The following LRMDA variants were observed in gnomAD, a reference collection of about 807,000 sequenced individuals.
The protein encoded by LRMDA is leucine rich melanocyte differentiation associated.
Under a neutral mutation model 29.8 loss-of-function variants are expected in LRMDA, and 18 were observed. The observed-to-expected ratio is 0.60, with a 90% CI of 0.42 to 0.90. The LOEUF (loss-of-function observed/expected upper bound fraction) is 0.90. Among genes scored for constraint, LRMDA ranks in the 40% least tolerant of loss-of-function variants. The pLI, the probability that LRMDA is intolerant of heterozygous loss-of-function variation, is 0.00. For synonymous variants in LRMDA, 125 were observed against 109.4 expected (o/e 1.14, Z -0.89); for missense variants, 273 against 273.9 (o/e 1.00, Z 0.02).
chr10:75,644,662 T>TTA (rs1319450890), intron 2 of LRMDA, among the ~76,000 whole-genome samples: 1 of 152,130 alleles, frequency 6.6e-6, no homozygotes, highest in Non-Finnish European at 1.5e-5. Flanking sequence ...CACTGGACCC[T>TTA]TAGGCTTTTG....
At chr10:76,358,783 G>A (rs77425414) in intron 6 of LRMDA, among the ~76,000 whole-genome samples, 7,198 of 152,306 alleles carry the variant, frequency 0.047, 264 homozygotes, top group African/African-American at 0.11. Context: ...AGCAGAGAGC[G>A]TGGAATGTTG....
At chr10:76,029,375 G>A (rs1848112945) in intron 2 of LRMDA, among the ~76,000 whole-genome samples, 1 of 152,128 alleles carries the variant, frequency 6.6e-6, no homozygotes, top group African/African-American at 2.4e-5. Flanking sequence ...TGACAATGAA[G>A]TTAGAAAGCA....
At chr10:76,216,672 T>G (rs12253595) in intron 5 of LRMDA, among the ~76,000 whole-genome samples, 2,955 of 152,328 alleles carry the variant, frequency 0.019, 88 homozygotes, top group African/African-American at 0.063. Context: ...AGAGTATGTA[T>G]ATCTACAGGA....
chr10:76,399,494 T>C (rs971239555), intron 6 of LRMDA, among the ~76,000 whole-genome samples: 1 of 152,244 alleles, frequency 6.6e-6, no homozygotes, highest in Non-Finnish European at 1.5e-5. Flanking sequence ...ATTTTCTTTA[T>C]CCAATCACAT....
At chr10:75,812,805 C>T (rs1242919621) in intron 2 of LRMDA, among the ~76,000 whole-genome samples, 2 of 152,166 alleles carry the variant, frequency 1.3e-5, no homozygotes, top group African/African-American at 4.8e-5. Context: ...GTTCTATATG[C>T]TTGGGGGCCA....
intron 4 of LRMDA, among the ~76,000 whole-genome samples, chr10:76,053,718 G>A (rs1177015291): frequency 1.3e-5 from 2 of 152,202 alleles, no homozygotes; most frequent in African/African-American, 4.8e-5. Flanking sequence ...CACTGGCTGG[G>A]TTCTGTGCAC....
chr10:75,769,712 T>G (rs774769869), intron 2 of LRMDA, among the ~76,000 whole-genome samples: 7 of 152,390 alleles, frequency 4.6e-5, no homozygotes, highest in Non-Finnish European at 8.8e-5. Context: ...AGCAACATTG[T>G]TATTTGTTTT....
intron 6 of LRMDA, among the ~76,000 whole-genome samples, chr10:76,395,450 G>A (rs1360350710): frequency 6.6e-6 from 1 of 152,128 alleles, no homozygotes; most frequent in Non-Finnish European, 1.5e-5. Flanking sequence ...GAAATGAAAC[G>A]CAGACTTGGC....
chr10:76,435,798 A>G (rs1011943254), intron 6 of LRMDA, among the ~76,000 whole-genome samples: 1 of 152,202 alleles, frequency 6.6e-6, no homozygotes, highest in Non-Finnish European at 1.5e-5. Flanking sequence ...GCAAAAAGCC[A>G]TTATCTAGAA....
intron 2 of LRMDA, among the ~76,000 whole-genome samples, chr10:75,694,924 A>G (rs1842215559): frequency 6.6e-6 from 1 of 152,212 alleles, no homozygotes; most frequent in Non-Finnish European, 1.5e-5. Context: ...GTTATTACCA[A>G]TGACAGTCAC....
At chr10:75,445,502 T>C (rs1844382018) in intron 2 of LRMDA, among the ~76,000 whole-genome samples, 1 of 152,350 alleles carries the variant, frequency 6.6e-6, no homozygotes, top group African/African-American at 2.4e-5. Context: ...TGGTCCCAAA[T>C]TCTTCCTTGA....
chr10:75,953,722 T>C (rs1169537220), intron 2 of LRMDA, among the ~76,000 whole-genome samples: 1 of 152,166 alleles, frequency 6.6e-6, no homozygotes, highest in Non-Finnish European at 1.5e-5. Context: ...TAAAGGATTT[T>C]ATTGGAAAGC....
At chr10:75,761,147 A>G (rs1465059812) in intron 2 of LRMDA, among the ~76,000 whole-genome samples, 6 of 152,236 alleles carry the variant, frequency 3.9e-5, no homozygotes, top group Non-Finnish European at 7.3e-5. Flanking sequence ...AAAGTTAAAC[A>G]TAGAATTACC....
At chr10:76,530,364 G>A (rs1052113054) in intron 6 of LRMDA, among the ~76,000 whole-genome samples, 1 of 152,110 alleles carries the variant, frequency 6.6e-6, no homozygotes, top group Non-Finnish European at 1.5e-5. Flanking sequence ...AATTGATTTG[G>A]TGGGCCCCAA....
intron 2 of LRMDA, among the ~76,000 whole-genome samples, chr10:75,564,028 G>C (rs1260564119): frequency 1.3e-5 from 2 of 152,192 alleles, no homozygotes; most frequent in African/African-American, 4.8e-5. Context: ...CAGATCTCCA[G>C]CTGCGTGCTG....
At chr10:75,756,260 A>T (rs1843031110) in intron 2 of LRMDA, among the ~76,000 whole-genome samples, 1 of 152,204 alleles carries the variant, frequency 6.6e-6, no homozygotes, top group Non-Finnish European at 1.5e-5. Context: ...AAGTCAAAGT[A>T]TTGCGTAGGA....
intron 2 of LRMDA, among the ~76,000 whole-genome samples, chr10:75,540,156 T>TG (rs748770451): frequency 3.9e-5 from 6 of 152,026 alleles, no homozygotes; most frequent in Non-Finnish European, 5.9e-5. Context: ...GCCTCAGAAG[T>TG]GGGTGTGGGA....
At chr10:76,390,562 A>G (rs1316405708) in intron 6 of LRMDA, among the ~76,000 whole-genome samples, 2 of 152,034 alleles carry the variant, frequency 1.3e-5, no homozygotes, top group Admixed American at 6.5e-5. Context: ...CATGACTGGT[A>G]TTCAGTCAGT....
intron 2 of LRMDA, among the ~76,000 whole-genome samples, chr10:75,799,601 G>A (rs944709723): frequency 3.3e-5 from 5 of 150,570 alleles, no homozygotes; most frequent in African/African-American, 7.3e-5. Flanking sequence ...TGCAACCTCC[G>A]CCTCCCGGGT....
Sources: gnomAD v4.1 joint callset for allele counts (sites outside exome capture counted in the v4.1 genomes callset) on GRCh38, gnomAD v4.1.1 for gene constraint, MANE v1.5 for transcripts, NCBI Gene and HGNC (gene_info 2026-07-23, HGNC 2026-07-21) for gene names.